Variants in CFAP57 observed in about 807,000 individuals in gnomAD.
The protein encoded by CFAP57 is cilia and flagella associated protein 57, also known as cilia- and flagella-associated protein 57.
Under a neutral mutation model 146.8 loss-of-function variants are expected in CFAP57, and 116 were observed. The observed-to-expected ratio is 0.79, with a 90% CI of 0.68 to 0.92. The LOEUF (loss-of-function observed/expected upper bound fraction) is 0.92, where lower values mean the gene tolerates loss of function less well. Ranked by LOEUF, CFAP57 falls within the 40% of genes least tolerant of loss-of-function variation. The probability of loss-of-function intolerance (pLI) is 0.00; values close to 1 mark genes in which losing one functional copy is unlikely to be tolerated. For missense variants in CFAP57, 1,377 were observed against 1,527.2 expected, an observed-to-expected ratio of 0.90 and a Z score of 1.64; for synonymous variants, 518 against 552.8, an observed-to-expected ratio of 0.94 and a Z score of 0.88.
chr1:43,231,940 G>A (rs192023607), intron 18 of CFAP57: 99 of 515,316 alleles, frequency 1.9e-4, no homozygotes, highest in African/African-American at 1.7e-3. Flanking sequence ...ACACTTCTCA[G>A]TTGTACTTTT....
intron 11 of CFAP57, among the ~76,000 whole-genome samples, chr1:43,212,935 C>CA (rs374038535): frequency 0.12 from 16,115 of 129,016 alleles, 1,548 homozygotes; most frequent in East Asian, 0.35. Context: ...GACTCTATCT[C>CA]AAAAAAAAAA....
At chr1:43,195,238 G>T (rs761769512) in intron 6 of CFAP57, among the ~76,000 whole-genome samples, 10 of 152,128 alleles carry the variant, frequency 6.6e-5, no homozygotes, top group Non-Finnish European at 1.3e-4. Flanking sequence ...AAAGAACATG[G>T]ACAGGCCAGG....
At chr1:43,210,068 A>G in intron 11 of CFAP57, 152 bp downstream of exon 11, 6 of 1,614,106 alleles carry the variant, frequency 3.7e-6, no homozygotes, top group Non-Finnish European at 5.1e-6. Flanking sequence ...TTGACTATGA[A>G]TATACTCTTT....
chr1:43,231,406 C>T (rs145285596), intron 18 of CFAP57, among the ~76,000 whole-genome samples: 1 of 152,258 alleles, frequency 6.6e-6, no homozygotes, highest in Non-Finnish European at 1.5e-5. Context: ...AAACCTCCCT[C>T]TTATCAGAAA....
At chr1:43,202,283 A>G (rs925686969) in intron 9 of CFAP57, among the ~76,000 whole-genome samples, 2 of 152,256 alleles carry the variant, frequency 1.3e-5, no homozygotes, top group Non-Finnish European at 2.9e-5. Flanking sequence ...TTCAAATAAA[A>G]GGCAGGAAAT....
At chr1:43,243,439 T>C in intron 22 of CFAP57, 80 bp downstream of exon 22, 1 of 1,406,428 alleles carries the variant, frequency 7.1e-7, no homozygotes, top group Non-Finnish European at 9.3e-7. Context: ...TCCCTTTGGC[T>C]TCCTTCTGTA....
chr1:43,173,053 G>C, intron 2 of CFAP57, 143 bp downstream of exon 2: 1 of 715,638 alleles, frequency 1.4e-6, no homozygotes, highest in South Asian at 1.6e-5. Flanking sequence ...AATAAATGGC[G>C]ACTTGTATTA....
chr1:43,232,436 A>T, intron 18 of CFAP57, 72 bp from the exon 19 acceptor site: 1 of 1,306,772 alleles, frequency 7.7e-7, no homozygotes, highest in Non-Finnish European at 1.1e-6. Flanking sequence ...CCACTGAAAG[A>T]CTACAGTTCT....
At chr1:43,244,858 G>C (rs533977790) in intron 22 of CFAP57, among the ~76,000 whole-genome samples, 1 of 151,974 alleles carries the variant, frequency 6.6e-6, no homozygotes, top group Non-Finnish European at 1.5e-5. Context: ...AGCTCAGATT[G>C]CACTACCGCA....
intron 2 of CFAP57, among the ~76,000 whole-genome samples, chr1:43,179,479 A>G (rs914932319): frequency 6.8e-4 from 104 of 152,326 alleles, no homozygotes; most frequent in Admixed American, 6.7e-3. Flanking sequence ...TCTGCCCTCC[A>G]GGAGCTCTCA....
chr1:43,244,500 C>T (rs976709402), intron 22 of CFAP57, among the ~76,000 whole-genome samples: 21 of 152,214 alleles, frequency 1.4e-4, no homozygotes, highest in African/African-American at 4.3e-4. Context: ...TTGTCTTGTG[C>T]ACTTTTGGCT....
intron 9 of CFAP57, chr1:43,206,509 A>G: frequency 1.7e-6 from 1 of 583,698 alleles, no homozygotes; most frequent in South Asian, 2.1e-5. Flanking sequence ...AAAAGAAATG[A>G]GAGTGTTTCA....
intron 22 of CFAP57, 52 bp downstream of exon 22, chr1:43,243,411 GGCAGCT>G (rs2124664256): frequency 6.9e-7 from 1 of 1,440,264 alleles, no homozygotes; most frequent in East Asian, 2.6e-5. Context: ...AGGGATTGAT[GGCAGCT>G]GCAGGCAGGT....
In CFAP57 at chr1:43,172,771, T is replaced by C. The variant is rs756578939; in HGVS notation, c.18T>C (p.Ala6=). The change falls in exon 2 of 23, where the codon GCT becomes GCC. Residue 6 remains alanine (A), a synonymous_variant. Transcript: ENST00000372492. MSAVV[A]QTLHVFGLRS... ...GGGAGATCATGTCAGCCGTGGTAGC[T>C]CAGACGCTGCATGTTTTTGGTCTTC... 18 of 1,614,136 alleles carry C rather than the reference T, an allele frequency of 1.1e-5. 1 individual carries two copies. The South Asian group carries it at 2.0e-4, about 18-fold the overall frequency.
intron 6 of CFAP57, among the ~76,000 whole-genome samples, chr1:43,196,801 C>G (rs1643885526): frequency 1.3e-5 from 2 of 152,188 alleles, no homozygotes; most frequent in Admixed American, 1.3e-4. Flanking sequence ...CAGAGAGAAA[C>G]TTGGCATTAT....
chr1:43,245,393 G>T (rs933159609), intron 22 of CFAP57, among the ~76,000 whole-genome samples: 1 of 151,830 alleles, frequency 6.6e-6, no homozygotes, highest in Non-Finnish European at 1.5e-5. Flanking sequence ...GACCTCCTCA[G>T]GATGCCATGT....
chr1:43,173,880 A>C (rs1445111787), intron 2 of CFAP57, among the ~76,000 whole-genome samples: 1 of 152,218 alleles, frequency 6.6e-6, no homozygotes, highest in Non-Finnish European at 1.5e-5. Flanking sequence ...CTCCCACTAG[A>C]AGTGCATAAG....
chr1:43,216,952 T>C (rs1007584095), intron 12 of CFAP57, among the ~76,000 whole-genome samples: 1 of 152,158 alleles, frequency 6.6e-6, no homozygotes, highest in Non-Finnish European at 1.5e-5. Flanking sequence ...AGAAGGGAAT[T>C]AAACGTGCAG....
At chr1:43,175,378 C>T (rs1475367282) in intron 2 of CFAP57, among the ~76,000 whole-genome samples, 1 of 151,836 alleles carries the variant, frequency 6.6e-6, no homozygotes. Flanking sequence ...TTTTTATTTT[C>T]ATTTTTTATC....
Sources: gnomAD v4.1 joint callset for allele counts (sites outside exome capture counted in the v4.1 genomes callset) on GRCh38, gnomAD v4.1.1 for gene constraint, MANE v1.5 for transcripts, NCBI Gene and HGNC (gene_info 2026-07-23, HGNC 2026-07-21) for gene names.